Variants in MEIS2 observed in about 807,000 individuals in gnomAD.
MEIS2 encodes homeobox protein Meis2.
Under a neutral mutation model 58.6 loss-of-function variants are expected in MEIS2, and 9 were observed. The ratio of observed to expected loss-of-function variants is 0.15; its 90% CI spans 0.09 to 0.27. MEIS2 has a LOEUF of 0.27. Among genes scored for constraint, MEIS2 ranks in the 10% least tolerant of loss-of-function variants. The probability of loss-of-function intolerance (pLI) is 1.00; values close to 1 mark genes in which losing one functional copy is unlikely to be tolerated. For missense variants in MEIS2, 427 were observed against 635.0 expected (o/e 0.67, Z 3.52); for synonymous variants, 221 against 228.4 (o/e 0.97, Z 0.29).
At chr15:37,000,904 C>T (rs1462500501) in intron 8 of MEIS2, among the ~76,000 whole-genome samples, 6 of 152,140 alleles carry the variant, frequency 3.9e-5, no homozygotes, top group Admixed American at 1.3e-4. Context: ...AGTCCACTTC[C>T]GGACCCCCCA....
At chr15:37,075,774 G>A (rs760011654) in intron 7 of MEIS2, among the ~76,000 whole-genome samples, 4 of 151,892 alleles carry the variant, frequency 2.6e-5, no homozygotes, top group East Asian at 1.9e-4. Flanking sequence ...AAGGAGCCAC[G>A]GCCTCATACC....
intron 8 of MEIS2, among the ~76,000 whole-genome samples, chr15:37,018,265 G>C (rs2061414841): frequency 6.6e-6 from 1 of 152,106 alleles, no homozygotes; most frequent in Admixed American, 6.6e-5. Context: ...GAATCATAGA[G>C]AGCAATAAGA....
intron 9 of MEIS2, among the ~76,000 whole-genome samples, chr15:36,941,286 T>C (rs2058365977): frequency 6.6e-6 from 1 of 152,174 alleles, no homozygotes; most frequent in Non-Finnish European, 1.5e-5. Flanking sequence ...GGTGCTAATT[T>C]CTACAACCTT....
intron 8 of MEIS2, among the ~76,000 whole-genome samples, chr15:37,021,269 T>C (rs925236515): frequency 2.3e-4 from 35 of 152,332 alleles, no homozygotes; most frequent in African/African-American, 8.4e-4. Context: ...TATTGCCTGC[T>C]CCCAGCCCCT....
intron 6 of MEIS2, among the ~76,000 whole-genome samples, chr15:37,093,190 C>A (rs1327242910): frequency 6.6e-6 from 1 of 152,206 alleles, no homozygotes; most frequent in African/African-American, 2.4e-5. Context: ...TCCTCTCTCT[C>A]CAGACCAGTC....
At chr15:37,092,797 A>AATAGAAAG (rs957583435) in intron 6 of MEIS2, among the ~76,000 whole-genome samples, 6 of 140,904 alleles carry the variant, frequency 4.3e-5, no homozygotes, top group Non-Finnish European at 7.5e-5. Context: ...AAACAGAGAG[A>AATAGAAAG]ATAGAAAGAA....
chr15:36,984,365 CT>C (rs1209899327), intron 8 of MEIS2, among the ~76,000 whole-genome samples: 1 of 151,966 alleles, frequency 6.6e-6, no homozygotes, highest in Non-Finnish European at 1.5e-5. Flanking sequence ...GATTTTTATT[CT>C]TCATTCTGTT....
intron 7 of MEIS2, among the ~76,000 whole-genome samples, chr15:37,042,674 A>G (rs2062477672): frequency 6.6e-6 from 1 of 152,242 alleles, no homozygotes; most frequent in Non-Finnish European, 1.5e-5. Context: ...AGAACAGATT[A>G]GTTCTGGGAC....
chr15:36,982,996 A>T (rs1408873392), intron 8 of MEIS2, among the ~76,000 whole-genome samples: 4 of 151,974 alleles, frequency 2.6e-5, no homozygotes, highest in African/African-American at 7.2e-5. Context: ...CTATTGGGTT[A>T]TGTGTTTTCT....
chr15:37,087,599 TA>T (rs61534915), intron 6 of MEIS2, among the ~76,000 whole-genome samples: 32,942 of 149,064 alleles, frequency 0.22, 3,823 homozygotes, highest in Middle Eastern at 0.36. Flanking sequence ...CCTTGAAAGT[TA>T]AAAAAAAAAA....
intron 8 of MEIS2, among the ~76,000 whole-genome samples, chr15:37,005,448 C>T (rs935360734): frequency 6.6e-6 from 1 of 152,202 alleles, no homozygotes; most frequent in African/African-American, 2.4e-5. Context: ...GTGGTGGCAG[C>T]AACACCTCCC....
chr15:37,019,727 C>T (rs1337986588), intron 8 of MEIS2, among the ~76,000 whole-genome samples: 4 of 152,092 alleles, frequency 2.6e-5, no homozygotes, highest in Admixed American at 6.6e-5. Context: ...AACAGCAGGC[C>T]CTGGTCTTAG....
chr15:36,972,593 T>C (rs2059606915), intron 8 of MEIS2, among the ~76,000 whole-genome samples: 1 of 152,172 alleles, frequency 6.6e-6, no homozygotes, highest in South Asian at 2.1e-4. Flanking sequence ...TTATGTGTCT[T>C]ATGCCTTTTA....
intron 9 of MEIS2, among the ~76,000 whole-genome samples, chr15:36,906,033 T>C (rs1323534096): frequency 1.3e-5 from 2 of 152,104 alleles, no homozygotes; most frequent in African/African-American, 4.8e-5. Flanking sequence ...ACGTGGAATG[T>C]TGGAAGAAGA....
chr15:36,931,309 C>A (rs1392135807), intron 9 of MEIS2, among the ~76,000 whole-genome samples: 1 of 152,092 alleles, frequency 6.6e-6, no homozygotes, highest in Non-Finnish European at 1.5e-5. Flanking sequence ...AATAGCACAA[C>A]CTTGATGGGT....
intron 8 of MEIS2, among the ~76,000 whole-genome samples, chr15:36,999,344 T>C (rs2060641300): frequency 6.6e-6 from 1 of 152,212 alleles, no homozygotes; most frequent in South Asian, 2.1e-4. Context: ...AGGTCTGGTT[T>C]AATTTACTCA....
intron 8 of MEIS2, among the ~76,000 whole-genome samples, chr15:37,008,669 G>A (rs1213443026): frequency 5.9e-5 from 9 of 152,174 alleles, no homozygotes; most frequent in Admixed American, 5.9e-4. Flanking sequence ...AAAGGTAAAA[G>A]TTTGCCATTT....
At chr15:37,052,453 T>C (rs57463051) in intron 7 of MEIS2, among the ~76,000 whole-genome samples, 4,568 of 152,258 alleles carry the variant, frequency 0.03, 232 homozygotes, top group African/African-American at 0.1. Context: ...GAACTCTAAA[T>C]CCTGAACTCA....
chr15:37,066,127 T>A (rs970743665), intron 7 of MEIS2, among the ~76,000 whole-genome samples: 1 of 152,166 alleles, frequency 6.6e-6, no homozygotes, highest in East Asian at 1.9e-4. Flanking sequence ...AGTGACCCTA[T>A]GGATCTAACC....
Sources: gnomAD v4.1 joint callset for allele counts (sites outside exome capture counted in the v4.1 genomes callset) on GRCh38, gnomAD v4.1.1 for gene constraint, MANE v1.5 for transcripts, NCBI Gene and HGNC (gene_info 2026-07-23, HGNC 2026-07-21) for gene names.